The following NIPAL3 variants were observed in gnomAD, a reference collection of about 807,000 sequenced individuals.
NIPAL3 encodes the protein NIPA like domain containing 3.
A neutral mutation model predicts 47.2 loss-of-function variants in NIPAL3; 41 were observed. That is an observed-to-expected ratio of 0.87 (90% CI 0.68 to 1.13). The LOEUF is 1.13. Among genes scored for constraint, NIPAL3 ranks in the 50% most tolerant of loss-of-function variants. The pLI is 0.00. For missense variants in NIPAL3, 449 were observed against 530.1 expected (o/e 0.85, Z 1.50); for synonymous variants, 194 against 209.6 (o/e 0.93, Z 0.64).
At chr1:24,433,120 G>T (rs936548286) in intron 2 of NIPAL3, 1 of 152,190 alleles carries the variant, frequency 6.6e-6, no homozygotes, top group African/African-American at 2.4e-5. Context: ...TGAGGAGTAA[G>T]TACCGTTAAT....
In NIPAL3 at chr1:24,445,208, T is replaced by A. The variant is rs747589546; in HGVS notation, c.358T>A (p.Phe120Ile). 1 of 1,612,594 alleles carries A rather than the reference T, an allele frequency of 6.2e-7. No individual in the cohort carries two copies. Among genetic ancestry groups the A allele is most frequent in the Non-Finnish European group, 8.5e-7 (1 of 1,178,582 alleles). ...AGCTAGTGCCATCATAGGAATCATA[T>A]TCATCAAGGAAAAGTGGAAACCGAA... is the stretch of plus-strand genomic sequence containing the variant. ...VIASAIIGII[F>I]IKEKWKPKDF... The change falls in exon 5 of 12, where the codon TTC becomes ATC. Residue 120 changes from phenylalanine to isoleucine, a missense_variant. Transcript: ENST00000374399.
intron 10 of NIPAL3, among the ~76,000 whole-genome samples, chr1:24,462,683 A>G (rs1270640862): frequency 6.6e-6 from 1 of 152,020 alleles, no homozygotes; most frequent in Non-Finnish European, 1.5e-5. Flanking sequence ...AGTATAATGG[A>G]TTGAACCCGA....
chr1:24,447,174 C>T (rs186658554), intron 5 of NIPAL3, among the ~76,000 whole-genome samples: 3 of 152,316 alleles, frequency 2.0e-5, no homozygotes, highest in Admixed American at 2.0e-4. Context: ...AGATTCTGCG[C>T]TCTGGGCTGG....
intron 7 of NIPAL3, among the ~76,000 whole-genome samples, chr1:24,455,199 C>T (rs573585153): frequency 1.6e-4 from 25 of 152,306 alleles, no homozygotes; most frequent in African/African-American, 2.9e-4. Context: ...ACCTGGACCA[C>T]GCTTGGGGGC....
intron 7 of NIPAL3, 56 bp downstream of exon 7, chr1:24,453,560 A>C: frequency 7.1e-7 from 1 of 1,400,880 alleles, no homozygotes; most frequent in Non-Finnish European, 1.0e-6. Context: ...ACCAAATGGA[A>C]ATGTGGGTTT....
chr1:24,468,930 G>A lies in NIPAL3; in HGVS notation c.1022-56G>A, dbSNP rs778858011. On this transcript the variant is annotated intron_variant, in intron 11 of 11. Coordinates refer to ENST00000374399, the MANE Select transcript of NIPAL3 (RefSeq NM_020448.5). ...TCTGTGGCGGGATAGAGGGAGATGC[G>A]GCCTCCTTGGCCCCCTTACCGCGTA... The A allele has an allele frequency of 1.4e-4, 214 of 1,525,368 alleles. 1 individual carries two copies. The highest frequency in any genetic ancestry group is 3.3e-4 in the Admixed American group (19 of 58,372). 94.5% of individuals were successfully genotyped at this position (1,525,368 alleles called of 1,614,324 possible).
chr1:24,434,298 A>G (rs1386569514), intron 2 of NIPAL3, among the ~76,000 whole-genome samples: 1 of 152,178 alleles, frequency 6.6e-6, no homozygotes, highest in South Asian at 2.1e-4. Flanking sequence ...GAGTAACTAT[A>G]CTAATATTAA....
At chr1:24,431,616 A>G (rs912751074) in intron 2 of NIPAL3, among the ~76,000 whole-genome samples, 5 of 152,148 alleles carry the variant, frequency 3.3e-5, no homozygotes, top group African/African-American at 9.7e-5. Context: ...CCTCCCTGTC[A>G]TCTCCAAGGC....
At chr1:24,429,683 G>C (rs752985182) in intron 2 of NIPAL3, among the ~76,000 whole-genome samples, 1 of 152,158 alleles carries the variant, frequency 6.6e-6, no homozygotes, top group Non-Finnish European at 1.5e-5. Context: ...CTACAGATAG[G>C]TGCTTGCTTT....
rs902925039 is a variant in NIPAL3 at position 24,443,263 on chromosome 1, G to A, written c.334+1037G>A. On this transcript the variant is annotated intron_variant, in intron 4 of 11. Coordinates refer to ENST00000374399, the MANE Select transcript of NIPAL3 (RefSeq NM_020448.5). Reference sequence around the variant, plus strand: ...AATTCTTCTTAAAGAAAAGATGTTAGTAGATTAGTGAACAATAGCTTTTTT... The same window carrying A: ...AATTCTTCTTAAAGAAAAGATGTTAATAGATTAGTGAACAATAGCTTTTTT... 3.3e-5 allele frequency among the ~76,000 whole-genome samples: 5 copies of A among 152,228 alleles called. No individual in the cohort carries two copies. The South Asian group carries it at 8.3e-4, about 25-fold the overall frequency.
At chr1:24,428,282 G>GAGAGAGAGA (rs1319085586) in intron 2 of NIPAL3, among the ~76,000 whole-genome samples, 12 of 151,550 alleles carry the variant, frequency 7.9e-5, no homozygotes, top group Admixed American at 7.9e-4. Flanking sequence ...GAGAGAGAGA[G>GAGAGAGAGA]AGAGAGAGAG....
rs1643994786 is a variant in NIPAL3 at position 24,415,836 on chromosome 1, G to C, written c.-326G>C. On this transcript the variant is annotated 5_prime_UTR_variant, in exon 1 of 12. Coordinates refer to ENST00000374399, the MANE Select transcript of NIPAL3 (RefSeq NM_020448.5). ...AGGGATGAAGGAGGCTGTGCCTCCG[G>C]GTTGCACGAAGAGTCCGAGTCATTT... The C allele has an allele frequency of 3.0e-6, 3 of 985,372 alleles. No individual in the cohort carries two copies. The highest frequency in any genetic ancestry group is 3.5e-5 in the African/African-American group (2 of 57,250). The allele number at this position is 985,372 out of a possible 1,614,324, so 61.0% of individuals were successfully genotyped here.
chr1:24,441,678 G>A (rs1387278421), intron 3 of NIPAL3, among the ~76,000 whole-genome samples: 1 of 152,124 alleles, frequency 6.6e-6, no homozygotes, highest in Non-Finnish European at 1.5e-5. Flanking sequence ...TCGACCCAAG[G>A]GCCAGGCCAA....
At chr1:24,431,346 C>T (rs192987380) in intron 2 of NIPAL3, among the ~76,000 whole-genome samples, 210 of 152,066 alleles carry the variant, frequency 1.4e-3, no homozygotes, top group Non-Finnish European at 2.1e-4. Flanking sequence ...AAAAAACTGC[C>T]GTGAAAGGTG....
intron 10 of NIPAL3, among the ~76,000 whole-genome samples, chr1:24,463,293 A>T (rs1427908506): frequency 6.6e-6 from 1 of 152,252 alleles, no homozygotes; most frequent in African/African-American, 2.4e-5. Context: ...ACTTACATGA[A>T]TTAAAGAACA....
chr1:24,448,733 G>T (rs1422814913), intron 5 of NIPAL3, among the ~76,000 whole-genome samples: 2 of 144,598 alleles, frequency 1.4e-5, no homozygotes, highest in Admixed American at 7.0e-5. Context: ...TACAGCCACT[G>T]GGGAAAAACA....
In NIPAL3 at chr1:24,449,814, A is replaced by G. The variant is rs569948420; in HGVS notation, c.540+188A>G. On this transcript the variant is annotated intron_variant, in intron 6 of 11. Transcript: ENST00000374399. The surrounding 1 kb of genome is among the most constrained non-coding windows in gnomAD (Gnocchi z 4.5). Reference sequence around the variant, plus strand: ...TGCTTGTTTCATTTATGTAATATCAAAACTCTACTGGTGGGAGTGTAAATT... The same window carrying G: ...TGCTTGTTTCATTTATGTAATATCAGAACTCTACTGGTGGGAGTGTAAATT... Among the ~76,000 whole-genome samples, 209 of 152,330 alleles carry G rather than the reference A, an allele frequency of 1.4e-3. 1 individual carries two copies. The highest frequency in any genetic ancestry group is 0.014 in the Middle Eastern group (4 of 294).
At chr1:24,456,422 C>A in intron 8 of NIPAL3, 149 bp downstream of exon 8, 2 of 1,163,600 alleles carry the variant, frequency 1.7e-6, no homozygotes, top group Non-Finnish European at 2.4e-6. Flanking sequence ...TGCTAATTTG[C>A]TGAGTTGTCA....
rs952793911 is a variant in NIPAL3, at chr1:24,416,034, C to T, written c.-258+130C>T. 1 of 985,576 alleles carries T rather than the reference C, an allele frequency of 1.0e-6. No individual in the cohort carries two copies. The highest frequency in any genetic ancestry group is 1.1e-4 in the East Asian group (1 of 8,820). 61.1% of individuals were successfully genotyped at this position (985,576 alleles called of 1,614,324 possible). A position where few individuals can be genotyped will look rare whatever the true frequency, so the allele number is the denominator to read the frequency against. The stretch of plus-strand genomic sequence containing the variant: ...TTCTTACTGTCACCAGCCTCGCCAA[C>T]CTGGGTCCCGTTGCCTTGGAATGTT... On this transcript the variant is annotated intron_variant, in intron 1 of 11. Transcript: ENST00000374399. This position sits in a 1 kb window ranked among gnomAD's most constrained non-coding sequence, Gnocchi z 4.8.
Sources: allele counts gnomAD v4.1 joint callset (sites outside exome capture counted in the v4.1 genomes callset), GRCh38; gene constraint gnomAD v4.1.1; non-coding constraint Gnocchi (gnomAD v3.1); transcripts MANE v1.5; gene names NCBI Gene and HGNC (gene_info 2026-07-23, HGNC 2026-07-21).